The following LPP variants were observed in gnomAD, a reference collection of about 807,000 sequenced individuals.
The protein encoded by LPP is lipoma-preferred partner.
A neutral mutation model predicts 60.4 loss-of-function variants in LPP; 38 were observed. That is an observed-to-expected ratio of 0.63 (90% CI 0.49 to 0.83). LPP has a LOEUF of 0.83. Among genes scored for constraint, LPP ranks in the 40% least tolerant of loss-of-function variants. The pLI, the probability that LPP is intolerant of heterozygous loss-of-function variation, is 0.00. For missense variants in LPP, 902 were observed against 783.6 expected (o/e 1.15, Z -1.80); for synonymous variants, 328 against 290.8 (o/e 1.13, Z -1.30).
At chr3:188,625,711 A>G (rs960661253) in intron 7 of LPP, among the ~76,000 whole-genome samples, 1 of 152,188 alleles carries the variant, frequency 6.6e-6, no homozygotes, top group African/African-American at 2.4e-5. Context: ...TAAACATGAA[A>G]TTCATTAAAC....
chr3:188,677,805 A>G (rs1023719246), intron 7 of LPP, among the ~76,000 whole-genome samples: 10 of 152,150 alleles, frequency 6.6e-5, no homozygotes, highest in Non-Finnish European at 1.5e-4. Context: ...ATTGTCATCT[A>G]AATGATGGAT....
chr3:188,358,856 CGCA>C (rs1768385142), intron 3 of LPP, among the ~76,000 whole-genome samples: 2 of 152,050 alleles, frequency 1.3e-5, no homozygotes, highest in Non-Finnish European at 2.9e-5. Flanking sequence ...ATGCATTGTC[CGCA>C]AAGACTAGTC....
intron 4 of LPP, among the ~76,000 whole-genome samples, chr3:188,432,564 G>A (rs1791181915): frequency 6.6e-6 from 1 of 151,990 alleles, no homozygotes; most frequent in East Asian, 1.9e-4. Context: ...CCTACGGCAA[G>A]AAGAATTTTT....
chr3:188,220,141 A>G (rs554154404), intron 1 of LPP, among the ~76,000 whole-genome samples: 58 of 152,300 alleles, frequency 3.8e-4, no homozygotes, highest in Middle Eastern at 3.4e-3. Context: ...GTGTGATACA[A>G]TAGGTGCTCC....
intron 4 of LPP, among the ~76,000 whole-genome samples, chr3:188,481,369 T>C (rs1804717872): frequency 6.6e-6 from 1 of 152,246 alleles, no homozygotes; most frequent in Non-Finnish European, 1.5e-5. Flanking sequence ...TAATAATTGA[T>C]CTAAATAAAG....
chr3:188,229,574 A>G (rs1719074127), intron 2 of LPP, among the ~76,000 whole-genome samples: 1 of 152,206 alleles, frequency 6.6e-6, no homozygotes, highest in Non-Finnish European at 1.5e-5. Context: ...TATTTGCTTC[A>G]AAAATTACAA....
At chr3:188,810,997 A>G (rs1268192429) in intron 9 of LPP, among the ~76,000 whole-genome samples, 3 of 152,138 alleles carry the variant, frequency 2.0e-5, no homozygotes, top group African/African-American at 4.8e-5. Context: ...TGGTGTACAT[A>G]TATAAAATAT....
chr3:188,605,304 A>T (rs1350106921), intron 6 of LPP, among the ~76,000 whole-genome samples: 2 of 152,148 alleles, frequency 1.3e-5, no homozygotes, highest in South Asian at 2.1e-4. Flanking sequence ...TTTGTGAGTT[A>T]TGGAATTCCC....
intron 7 of LPP, among the ~76,000 whole-genome samples, chr3:188,654,518 T>C (rs1024385982): frequency 6.6e-6 from 1 of 152,162 alleles, no homozygotes; most frequent in East Asian, 1.9e-4. Context: ...GACAATTAAC[T>C]CTTTTTCTCT....
At chr3:188,509,556 A>G (rs959928768) in intron 5 of LPP, among the ~76,000 whole-genome samples, 5 of 152,150 alleles carry the variant, frequency 3.3e-5, no homozygotes, top group Non-Finnish European at 7.4e-5. Flanking sequence ...AAACATTCAC[A>G]TTGGAACAAG....
At chr3:188,366,876 GTTT>G (rs1388248108) in intron 3 of LPP, among the ~76,000 whole-genome samples, 3 of 151,860 alleles carry the variant, frequency 2.0e-5, no homozygotes, top group African/African-American at 7.3e-5. Flanking sequence ...TCTTCTCACT[GTTT>G]TGCTGCATTA....
At chr3:188,576,619 C>T (rs528452779) in intron 6 of LPP, among the ~76,000 whole-genome samples, 10 of 152,184 alleles carry the variant, frequency 6.6e-5, no homozygotes, top group East Asian at 3.9e-4. Context: ...TCTTCTGTAT[C>T]GCAGAAAACA....
intron 5 of LPP, among the ~76,000 whole-genome samples, chr3:188,490,850 G>A (rs1335602592): frequency 1.4e-5 from 2 of 147,094 alleles, no homozygotes; most frequent in Non-Finnish European, 3.0e-5. Flanking sequence ...TACCTCCTGG[G>A]TTCATGCCAT....
intron 6 of LPP, among the ~76,000 whole-genome samples, chr3:188,553,532 G>A (rs1828716778): frequency 6.6e-6 from 1 of 152,106 alleles, no homozygotes. Flanking sequence ...TTTTCTTTGA[G>A]ATCCCCACAA....
chr3:188,476,553 AG>A (rs1479514362), intron 4 of LPP, among the ~76,000 whole-genome samples: 7 of 152,196 alleles, frequency 4.6e-5, no homozygotes, highest in Non-Finnish European at 1.0e-4. Context: ...TCTTGAGAAA[AG>A]TTTAGTAGCA....
At chr3:188,482,687 A>G (rs142603505) in intron 4 of LPP, among the ~76,000 whole-genome samples, 11 of 152,344 alleles carry the variant, frequency 7.2e-5, no homozygotes, top group Non-Finnish European at 1.5e-4. Context: ...GTTTAAAACT[A>G]CTGAATGGAA....
At chr3:188,401,926 A>T (rs1782342302) in intron 3 of LPP, among the ~76,000 whole-genome samples, 1 of 152,216 alleles carries the variant, frequency 6.6e-6, no homozygotes, top group South Asian at 2.1e-4. Flanking sequence ...AAATTGATGC[A>T]TAGTATGTTG....
At chr3:188,335,900 CA>C (rs750671269) in intron 2 of LPP, among the ~76,000 whole-genome samples, 3 of 152,106 alleles carry the variant, frequency 2.0e-5, no homozygotes, top group Non-Finnish European at 4.4e-5. Flanking sequence ...CTTCCGCTTG[CA>C]ATTAGGGTTG....
At chr3:188,556,617 GA>G (rs1829531388) in intron 6 of LPP, among the ~76,000 whole-genome samples, 1 of 151,434 alleles carries the variant, frequency 6.6e-6, no homozygotes, top group Admixed American at 6.6e-5. Flanking sequence ...TTTTTGGTTT[GA>G]TTTTTTTTCA....
Sources: allele counts gnomAD v4.1 joint callset (sites outside exome capture counted in the v4.1 genomes callset), GRCh38; gene constraint gnomAD v4.1.1; transcripts MANE v1.5; gene names NCBI Gene and HGNC (gene_info 2026-07-23, HGNC 2026-07-21).